ESRP2: variants seen among roughly 807,000 people sequenced by gnomAD.
The protein encoded by ESRP2 is epithelial splicing regulatory protein 2.
A neutral mutation model predicts 78.6 loss-of-function variants in ESRP2; 48 were observed. That is an observed-to-expected ratio of 0.61 (90% CI 0.48 to 0.78). The LOEUF (loss-of-function observed/expected upper bound fraction) is 0.78, where lower values mean the gene tolerates loss of function less well. Ranked by LOEUF, ESRP2 falls within the 30% of genes least tolerant of loss-of-function variation. ESRP2 has a pLI of 0.00. For missense variants in ESRP2, 863 were observed against 965.9 expected (o/e 0.89, Z 1.41); for synonymous variants, 383 against 406.7 (o/e 0.94, Z 0.70).
chr16:68,235,184 T>C lies in ESRP2; in HGVS notation c.327+450A>G. 1.0e-6 allele frequency: 1 copy of C among 985,278 alleles called. No homozygotes were observed. Among genetic ancestry groups the C allele is most frequent in the Non-Finnish European group, 1.2e-6 (1 of 829,892 alleles). The allele number at this position is 985,278 out of a possible 1,614,324, so 61.0% of individuals were successfully genotyped here. ...GTTTACACCTGGCGGCGTCTACCTC[T>C]AGGGCCGACACCGCCCTACGCCTCC... On this transcript the variant is annotated intron_variant, in intron 2 of 14. Transcript: ENST00000473183. This position sits in a 1 kb window ranked among gnomAD's most constrained non-coding sequence, Gnocchi z 5.5.
rs771924158 is a variant in ESRP2 at position 68,235,864 on chromosome 16, T to G, written c.182A>C (p.Glu61Ala). 44 of 1,611,596 alleles carry G rather than the reference T, an allele frequency of 2.7e-5. No individual in the cohort carries two copies. Among genetic ancestry groups the G allele is most frequent in the Middle Eastern group, 1.6e-4 (1 of 6,084 alleles). Residue 61 changes from glutamate (E) to alanine (A), a missense_variant, in exon 1 of 15, where the codon GAG (glutamate) becomes GCG (alanine). Transcript: ENST00000473183. The surrounding 1 kb of genome is among the most constrained non-coding windows in gnomAD (Gnocchi z 5.5). ...DLILLVWQVV[E>A]PRSRQVGTLH... ...CCACCCTACCTGGCGGCTCCGCGGC[T>G]CAACCACTTGCCAAACTAGGAGGAT...
Position 68,235,278 on chromosome 16 carries a change from A to T in ESRP2, c.327+356T>A, listed in dbSNP as rs1395735323. The T allele has an allele frequency of 4.1e-6, 4 of 985,118 alleles. No individual in the cohort carries two copies. 61.0% of individuals were successfully genotyped at this position (985,118 alleles called of 1,614,324 possible). ...ACAGGTGACCTATATGGGCCCCTCG[A>T]CCCCTTTCGCTTCCGGCTGCGGCTC... On this transcript the variant is annotated intron_variant, in intron 2 of 14. Coordinates refer to ENST00000473183, the MANE Select transcript of ESRP2 (RefSeq NM_024939.3). The surrounding 1 kb of genome is among the most constrained non-coding windows in gnomAD (Gnocchi z 5.5).
chr16:68,230,715 G>A (rs2042120331), intron 13 of ESRP2, 126 bp downstream of exon 13: 1 of 1,451,780 alleles, frequency 6.9e-7, no homozygotes, highest in African/African-American at 1.4e-5. Context: ...GATGGCATTA[G>A]CCAGCTGCCA....
intron 5 of ESRP2, 87 bp downstream of exon 5, chr16:68,233,240 G>A (rs1051480452): frequency 3.4e-6 from 3 of 877,368 alleles, no homozygotes; most frequent in Non-Finnish European, 5.7e-6. Context: ...ATTCCCCCGT[G>A]GTCTCTTAGA....
At chr16:68,233,909 G>T in intron 3 of ESRP2, 27 bp from the exon 4 acceptor site, 1 of 1,606,072 alleles carries the variant, frequency 6.2e-7, no homozygotes, top group Non-Finnish European at 8.5e-7. Flanking sequence ...TTGAGGATGA[G>T]CGCCCTGCCC....
rs569082126 is a variant in ESRP2 at position 68,229,400 on chromosome 16, A to G, written c.*826T>C. 3.3e-5 allele frequency: 5 copies of G among 152,752 alleles called. No individual in the cohort carries two copies. Among genetic ancestry groups the G allele is most frequent in the East Asian group, 3.9e-4 (2 of 5,188 alleles). 9.5% of individuals were successfully genotyped at this position (152,752 alleles called of 1,614,324 possible). On this transcript the variant is annotated 3_prime_UTR_variant, in exon 15 of 15. Transcript: ENST00000473183. Reference sequence around the variant, plus strand: ...TTAAGGAAGAGAAGATCGAGTTCCAAATTGCTTCCGAGGCTTCAGTTCTGT... The same window carrying G: ...TTAAGGAAGAGAAGATCGAGTTCCAGATTGCTTCCGAGGCTTCAGTTCTGT...
chr16:68,230,436 A>T lies in ESRP2; in HGVS notation c.2017T>A (p.Tyr673Asn). 1 of 1,613,278 alleles carries T rather than the reference A, an allele frequency of 6.2e-7. No individual in the cohort carries two copies. Among genetic ancestry groups the T allele is most frequent in the South Asian group, 1.1e-5 (1 of 90,988 alleles). Residue 673 changes from tyrosine to asparagine, a missense_variant, in exon 14 of 15, where the codon TAC becomes AAC. Physicochemically the swap from Tyr to Asn is moderately radical, Grantham distance 143. Transcript: ENST00000473183. ...GALVRMQGVP[Y>N]TAGMKDLLSV... ...AGCAGATCCTTCATACCAGCCGTGT[A>T]TGGGACACCCTGCATGCGGACCAAG... is the stretch of plus-strand genomic sequence containing the variant.
intron 4 of ESRP2, 110 bp downstream of exon 4, chr16:68,233,658 A>G: frequency 1.2e-6 from 1 of 832,612 alleles, no homozygotes; most frequent in Non-Finnish European, 2.0e-6. Flanking sequence ...GGGACTTAGC[A>G]GATAACGCAG....
chr16:68,229,989 G>A lies in ESRP2; in HGVS notation c.*237C>T, dbSNP rs901672742. 1.8e-5 allele frequency: 10 copies of A among 560,174 alleles called. No homozygotes were observed. In the East Asian group the frequency reaches 2.9e-4, roughly 16 times the overall value. The allele number at this position is 560,174 out of a possible 1,614,324, so 34.7% of individuals were successfully genotyped here. ...TCAAGATGCCTGGCTCAGGCCATCAGGAGCTGGTTAGCCCCATTCCACCCC... is the reference window on the plus strand; with the variant it reads ...TCAAGATGCCTGGCTCAGGCCATCAAGAGCTGGTTAGCCCCATTCCACCCC... On this transcript the variant is annotated 3_prime_UTR_variant, in exon 15 of 15. Transcript: ENST00000473183.
chr16:68,231,170 GC>G lies in ESRP2; in HGVS notation c.1711+7del, dbSNP rs2042132412. On this transcript the variant is annotated splice_region_variant and intron_variant, in intron 12 of 14. Coordinates refer to ENST00000473183, the MANE Select transcript of ESRP2 (RefSeq NM_024939.3). The surrounding 1 kb of genome is among the most constrained non-coding windows in gnomAD (Gnocchi z 6.0). Reference sequence around the variant, plus strand: ...GCCTCCTCCTCCCCTAGCCCCTAGGGCACTCACAGGGCAGCTTGCAGGGTGG... The same window carrying G: ...GCCTCCTCCTCCCCTAGCCCCTAGGGACTCACAGGGCAGCTTGCAGGGTGG... 1 of 1,612,642 alleles carries G rather than the reference GC, an allele frequency of 6.2e-7. No individual in the cohort carries two copies. Among genetic ancestry groups the G allele is most frequent in the South Asian group, 1.1e-5 (1 of 91,090 alleles).
chr16:68,232,046 A>G lies in ESRP2; in HGVS notation c.1055T>C (p.Leu352Pro). ...LSREDQVILRLRGLPFSAGPT... is the reference protein window; with the variant it reads ...LSREDQVILRPRGLPFSAGPT... ...CCCAGCCGAGAAGGGCAGTCCCCGC[A>G]GCCGCAGGATCACTTGGTCTTCCCG... is the stretch of plus-strand genomic sequence containing the variant. Residue 352 changes from leucine to proline, a missense_variant, in exon 10 of 15, where the codon CTG (leucine) becomes CCG (proline). By Grantham distance (98) the Leu-to-Pro change is moderately conservative. Coordinates refer to ENST00000473183, the MANE Select transcript of ESRP2 (RefSeq NM_024939.3). This position sits in a 1 kb window ranked among gnomAD's most constrained non-coding sequence, Gnocchi z 5.2. 1.2e-6 allele frequency: 2 copies of G among 1,613,972 alleles called. No individual in the cohort carries two copies. The highest frequency in any genetic ancestry group is 1.7e-6 in the Non-Finnish European group (2 of 1,179,964).
rs765673788 is a variant in ESRP2, at chr16:68,231,229, C to T, written c.1660G>A (p.Gly554Arg). Residue 554 changes from glycine to arginine, a missense_variant, in exon 12 of 15, where the codon GGG becomes AGG. Coordinates refer to ENST00000473183, the MANE Select transcript of ESRP2 (RefSeq NM_024939.3). The surrounding 1 kb of genome is among the most constrained non-coding windows in gnomAD (Gnocchi z 6.0). ...STEEMSRVLM[G>R]GTLGRSGMSP... ...ATGCCACTGCGGCCCAAGGTGCCCC[C>T]CATCAGCACTCGGCTCATCTCCTCT... 33 of 1,613,832 alleles carry T rather than the reference C, an allele frequency of 2.0e-5. No homozygotes were observed. The highest frequency in any genetic ancestry group is 2.5e-5 in the Non-Finnish European group (29 of 1,179,988).
At position 68,235,641 on chromosome 16, in the gene ESRP2, A is replaced by G; in HGVS notation, c.320T>C (p.Leu107Pro). Residue 107 changes from leucine (L) to proline (P), a missense_variant, in exon 2 of 15, where the codon CTG becomes CCG. Physicochemically the swap from Leu to Pro is moderately conservative, Grantham distance 98 (BLOSUM62 -3). Transcript: ENST00000473183. This position sits in a 1 kb window ranked among gnomAD's most constrained non-coding sequence, Gnocchi z 5.5. ...LARAEPLDKVLQQFSQLVNGD... is the reference protein window; with the variant it reads ...LARAEPLDKVPQQFSQLVNGD... Reference sequence around the variant, plus strand: ...ACCCACCCCGGCGCTCACCTGCTGCAGCACCTTGTCCAGCGGCTCTGCCCG... The same window carrying G: ...ACCCACCCCGGCGCTCACCTGCTGCGGCACCTTGTCCAGCGGCTCTGCCCG... The G allele has an allele frequency of 6.3e-7, 1 of 1,597,582 alleles. No homozygotes were observed. Among genetic ancestry groups the G allele is most frequent in the Non-Finnish European group, 8.5e-7 (1 of 1,179,104 alleles).
Position 68,231,460 on chromosome 16 carries a change from C to T in ESRP2, c.1512+22G>A. 6.2e-7 allele frequency: 1 copy of T among 1,613,900 alleles called. No homozygotes were observed. Among genetic ancestry groups the T allele is most frequent in the East Asian group, 2.2e-5 (1 of 44,878 alleles). ...ACACCCCTTCCTATTTATGTGTTCC[C>T]CCTACCAAGCAGTGGCTTCACCTGC... On this transcript the variant is annotated intron_variant, in intron 11 of 14. Coordinates refer to ENST00000473183, the MANE Select transcript of ESRP2 (RefSeq NM_024939.3). This position sits in a 1 kb window ranked among gnomAD's most constrained non-coding sequence, Gnocchi z 6.0.
chr16:68,230,642 T>C (rs1447996321), intron 13 of ESRP2, 88 bp from the exon 14 acceptor site: 1 of 1,476,260 alleles, frequency 6.8e-7, no homozygotes, highest in Non-Finnish European at 9.1e-7. Flanking sequence ...TTCTGCCTTG[T>C]GCTTAATTCA....
chr16:68,230,382 A>G lies in ESRP2; in HGVS notation c.2064+7T>C, dbSNP rs748928247. ...ACCCGCCAGGCCCTCCGGCCACACAATCTCACCTGGTAGGCCTGGAAGACG... is the reference window on the plus strand; with the variant it reads ...ACCCGCCAGGCCCTCCGGCCACACAGTCTCACCTGGTAGGCCTGGAAGACG... On this transcript the variant is annotated splice_region_variant and intron_variant, in intron 14 of 14. Coordinates refer to ENST00000473183, the MANE Select transcript of ESRP2 (RefSeq NM_024939.3). 9.3e-6 allele frequency: 15 copies of G among 1,613,838 alleles called. No homozygotes were observed. Among genetic ancestry groups the G allele is most frequent in the Middle Eastern group, 1.6e-4 (1 of 6,080 alleles).
chr16:68,231,221 G>A lies in ESRP2; in HGVS notation c.1668C>T (p.Thr556=). The A allele has an allele frequency of 1.9e-6, 3 of 1,613,826 alleles. No homozygotes were observed. Among genetic ancestry groups the A allele is most frequent in the South Asian group, 1.1e-5 (1 of 91,086 alleles). The change falls in exon 12 of 15, where the codon ACC becomes ACT. Residue 556 remains threonine, a synonymous_variant. Transcript: ENST00000473183. The surrounding 1 kb of genome is among the most constrained non-coding windows in gnomAD (Gnocchi z 6.0). ...GAGGGGACATGCCACTGCGGCCCAA[G>A]GTGCCCCCCATCAGCACTCGGCTCA... The part of the protein sequence containing the change: ...EEMSRVLMGG[T]LGRSGMSPPP...
rs1479035701 is a variant in ESRP2, at chr16:68,231,714, C to T, written c.1300-20G>A. 6.9e-6 allele frequency: 11 copies of T among 1,595,310 alleles called. No individual in the cohort carries two copies. The Middle Eastern group carries it at 1.2e-3, about 170-fold the overall frequency. On this transcript the variant is annotated intron_variant, in intron 10 of 14. Coordinates refer to ENST00000473183, the MANE Select transcript of ESRP2 (RefSeq NM_024939.3). The surrounding 1 kb of genome is among the most constrained non-coding windows in gnomAD (Gnocchi z 6.0). ...CAAGACCTAGTAAGGAAGGCAGCAA[C>T]AGGCTGGTCATGCCAAGTAGGGCAG...
chr16:68,231,293 C>T lies in ESRP2; in HGVS notation c.1596G>A (p.Val532=). Reference sequence around the variant, plus strand: ...CCACCTCCACGTAGCGCTCCTTCATCACCTTCTTATGGCAACGCTGAGCAG... The same window carrying T: ...CCACCTCCACGTAGCGCTCCTTCATTACCTTCTTATGGCAACGCTGAGCAG... The part of the protein sequence containing the change: ...LAAAQRCHKK[V]MKERYVEVVP... The change falls in exon 12 of 15, where the codon GTG becomes GTA. Residue 532 remains valine (V), a synonymous_variant. Coordinates refer to ENST00000473183, the MANE Select transcript of ESRP2 (RefSeq NM_024939.3). This position sits in a 1 kb window ranked among gnomAD's most constrained non-coding sequence, Gnocchi z 6.0. The T allele has an allele frequency of 6.2e-7, 1 of 1,614,140 alleles. No homozygotes were observed. The highest frequency in any genetic ancestry group is 1.1e-5 in the South Asian group (1 of 91,084).
Sources: gnomAD v4.1 joint callset for allele counts on GRCh38, gnomAD v4.1.1 for gene constraint, Gnocchi (gnomAD v3.1) non-coding constraint, MANE v1.5 for transcripts, NCBI Gene and HGNC (gene_info 2026-07-23, HGNC 2026-07-21) for gene names.